The following RGS19 variants were observed in gnomAD, a reference collection of about 807,000 sequenced individuals.
The protein encoded by RGS19 is G alpha interacting protein.
A neutral mutation model predicts 22.0 loss-of-function variants in RGS19; 9 were observed. The ratio of observed to expected loss-of-function variants is 0.41; its 90% confidence interval spans 0.25 to 0.71. The LOEUF (loss-of-function observed/expected upper bound fraction) is 0.71, where lower values mean the gene tolerates loss of function less well. Ranked by LOEUF, RGS19 falls within the 30% of genes least tolerant of loss-of-function variation. The pLI is 0.32. For synonymous variants in RGS19, 130 were observed against 127.3 expected (o/e 1.02, Z -0.14); for missense variants, 256 against 307.1 (o/e 0.83, Z 1.24).
In RGS19 at chr20:64,075,945, G is replaced by A. The variant is rs527393369; in HGVS notation, c.152+580C>T. ...TGCCCAGGCTGGAGTGCAATGACGC[G>A]ATCTCGGCTCAACGCAACCTCCGCC... On this transcript the variant is annotated intron_variant, in intron 3 of 5. Transcript: ENST00000395042. The surrounding 1 kb of genome is among the most constrained non-coding windows in gnomAD (Gnocchi z 4.6). Among the ~76,000 whole-genome samples the A allele has an allele frequency of 1.3e-5, 2 of 151,538 alleles. No individual in the cohort carries two copies. Among genetic ancestry groups the A allele is most frequent in the South Asian group, 2.1e-4 (1 of 4,812 alleles).
In RGS19 at chr20:64,073,946, G is replaced by A. The variant is rs368196173; in HGVS notation, c.561C>T (p.Leu187=). The change falls in exon 6 of 6, where the codon CTC becomes CTT. Residue 187 remains leucine, a synonymous_variant. Coordinates refer to ENST00000395042, the MANE Select transcript of RGS19 (RefSeq NM_005873.3). ...FDDAQLQIYT[L]MHRDSYPRFL... Reference sequence around the variant, plus strand: ...AGCGGGGGTAGGAGTCCCGGTGCATGAGCGTGTAGATCTGCAGCTGCGCGT... The same window carrying A: ...AGCGGGGGTAGGAGTCCCGGTGCATAAGCGTGTAGATCTGCAGCTGCGCGT... The A allele has an allele frequency of 4.8e-5, 78 of 1,613,704 alleles. No homozygotes were observed. Among genetic ancestry groups the A allele is most frequent in the Middle Eastern group, 1.6e-4 (1 of 6,082 alleles).
chr20:64,079,945 G>C (rs1208948542), upstream of RGS19: 4 of 147,852 alleles, frequency 2.7e-5, no homozygotes, highest in African/African-American at 9.8e-5. This position sits in a 1 kb window ranked among gnomAD's most constrained non-coding sequence, Gnocchi z 5.1. Flanking sequence ...AGTCGGGGAG[G>C]GGGCGCGGGG....
intron 2 of RGS19, 71 bp downstream of exon 2, chr20:64,076,786 C>T: frequency 1.9e-6 from 3 of 1,558,186 alleles, no homozygotes; most frequent in South Asian, 2.3e-5. Context: ...TCTCCCAGCT[C>T]CTTGTGGCCC....
chr20:64,074,407 G>A (rs762522040), intron 4 of RGS19, 29 bp from the exon 5 acceptor site: 5 of 1,586,786 alleles, frequency 3.2e-6, no homozygotes, highest in Non-Finnish European at 4.3e-6. Flanking sequence ...GGCTATGTCA[G>A]GCCCGAGTCT....
In RGS19 at chr20:64,073,884, TGCA is replaced by T. The variant is rs781645976; in HGVS notation, c.620_622del (p.Leu207del). The T allele has an allele frequency of 3.1e-6, 5 of 1,613,110 alleles. No homozygotes were observed. In the South Asian group the frequency reaches 5.5e-5, roughly 18 times the overall value. On this transcript the variant is annotated inframe_deletion, in exon 6 of 6. Coordinates refer to ENST00000395042, the MANE Select transcript of RGS19 (RefSeq NM_005873.3). ...CTCGGAGGAGGACTGTGATGGCCCC[TGCA>T]GCAGCAGGGCACGGTAGGTGGGAGA...
chr20:64,077,549 C>G lies in RGS19; in HGVS notation c.-68-595G>C, dbSNP rs116190302. Reference sequence around the variant, plus strand: ...GCCCCGGTGAGGAGGGACATGCCCCCCAAACATGGTTCTTTGGTCCTGCTA... The same window carrying G: ...GCCCCGGTGAGGAGGGACATGCCCCGCAAACATGGTTCTTTGGTCCTGCTA... On this transcript the variant is annotated intron_variant, in intron 1 of 5. Coordinates refer to ENST00000395042, the MANE Select transcript of RGS19 (RefSeq NM_005873.3). 9.6e-3 allele frequency among the ~76,000 whole-genome samples: 1,458 copies of G among 152,288 alleles called. 20 individuals carry two copies. The highest frequency in any genetic ancestry group is 0.033 in the African/African-American group (1,357 of 41,536).
rs1406634833 is a variant in RGS19 at position 64,073,856 on chromosome 20, G to A, written c.651C>T (p.Ala217=). 1.2e-6 allele frequency: 2 copies of A among 1,607,502 alleles called. No individual in the cohort carries two copies. The highest frequency in any genetic ancestry group is 8.5e-7 in the Non-Finnish European group (1 of 1,176,094). The part of the protein sequence containing the change: ...LQGPSQSSSE[A] ...GGTCTGTGCTGCTGGGGGCGGCCTAGGCCTCGGAGGAGGACTGTGATGGCC... is the reference window on the plus strand; with the variant it reads ...GGTCTGTGCTGCTGGGGGCGGCCTAAGCCTCGGAGGAGGACTGTGATGGCC... The change falls in exon 6 of 6, where the codon GCC becomes GCT. Residue 217 remains alanine (A), a synonymous_variant. Transcript: ENST00000395042.
chr20:64,073,712 C>G lies in RGS19; in HGVS notation c.*141G>C. ...GCAGACCCAGGAGACACAGCACTCC[C>G]CACTGGGTCTAGGACCGTCTCCGCG... On this transcript the variant is annotated 3_prime_UTR_variant, in exon 6 of 6. Coordinates refer to ENST00000395042, the MANE Select transcript of RGS19 (RefSeq NM_005873.3). 1.4e-6 allele frequency: 1 copy of G among 714,838 alleles called. No homozygotes were observed. The highest frequency in any genetic ancestry group is 3.1e-5 in the Admixed American group (1 of 32,488). 44.3% of individuals were successfully genotyped at this position (714,838 alleles called of 1,614,324 possible).
At chr20:64,078,445 C>T (rs2059927179) in intron 1 of RGS19, among the ~76,000 whole-genome samples, 1 of 152,208 alleles carries the variant, frequency 6.6e-6, no homozygotes, top group Non-Finnish European at 1.5e-5. Flanking sequence ...TCTGTGGCTT[C>T]CCCAGGCAGC....
rs1320616316 is a variant in RGS19 at position 64,075,338 on chromosome 20, C to T, written c.153-797G>A. ...CCTTCAGGTTCTGGAGCCTGATCCC[C>T]GGTTGTCTCAAGGGAAGCAGCTTCT... is the stretch of plus-strand genomic sequence containing the variant. On this transcript the variant is annotated intron_variant, in intron 3 of 5. Transcript: ENST00000395042. This position sits in a 1 kb window ranked among gnomAD's most constrained non-coding sequence, Gnocchi z 4.6. Among the ~76,000 whole-genome samples the T allele has an allele frequency of 3.3e-5, 5 of 152,336 alleles. No individual in the cohort carries two copies. Among genetic ancestry groups the T allele is most frequent in the Admixed American group, 6.5e-5 (1 of 15,306 alleles).
Position 64,074,018 on chromosome 20 carries a change from C to T in RGS19, c.489G>A (p.Glu163=). Residue 163 remains glutamate, a synonymous_variant, in exon 6 of 6, where the codon GAG becomes GAA. Coordinates refer to ENST00000395042, the MANE Select transcript of RGS19 (RefSeq NM_005873.3). ...GCTCCTGCATCTTCTTGTTGATGCCCTCCCGCACACGGGAGTCCAGGCTCA... is the reference window on the plus strand; with the variant it reads ...GCTCCTGCATCTTCTTGTTGATGCCTTCCCGCACACGGGAGTCCAGGCTCA... ...KEVSLDSRVR[E]GINKKMQEPS... is the part of the protein sequence containing the mutation. 1 of 1,613,236 alleles carries T rather than the reference C, an allele frequency of 6.2e-7. No homozygotes were observed. The highest frequency in any genetic ancestry group is 8.5e-7 in the Non-Finnish European group (1 of 1,179,568).
chr20:64,073,729 G>A lies in RGS19; in HGVS notation c.*124C>T, dbSNP rs749730509. On this transcript the variant is annotated 3_prime_UTR_variant, in exon 6 of 6. Transcript: ENST00000395042. ...AGCACTCCCCACTGGGTCTAGGACC[G>A]TCTCCGCGGGTGGGGACCCCAGCCG... The A allele has an allele frequency of 8.4e-6, 7 of 830,096 alleles. No homozygotes were observed. Among genetic ancestry groups the A allele is most frequent in the Admixed American group, 2.7e-5 (1 of 36,382 alleles). The allele number at this position is 830,096 out of a possible 1,614,324, so 51.4% of individuals were successfully genotyped here. A position where few individuals can be genotyped will look rare whatever the true frequency, so the allele number is the denominator to read the frequency against.
At position 64,074,156 on chromosome 20, in the gene RGS19, C is replaced by T. The variant is rs1022512653; in HGVS notation, c.450G>A (p.Leu150=). ...RLIYEDYVSI[L]SPKEVSLDSR... ...GTGTCTGGCGCACCTCCTTGGGGGA[C>T]AGGATGGATACGTAGTCCTCGTAGA... The change falls in exon 5 of 6, where the codon CTG becomes CTA. Residue 150 remains leucine (L), a synonymous_variant. Transcript: ENST00000395042. The T allele has an allele frequency of 6.2e-6, 10 of 1,613,168 alleles. No homozygotes were observed. Among genetic ancestry groups the T allele is most frequent in the Non-Finnish European group, 8.5e-6 (10 of 1,179,438 alleles).
At chr20:64,076,758 C>G (rs2059908885) in intron 2 of RGS19, 99 bp downstream of exon 2, 7 of 1,530,062 alleles carry the variant, frequency 4.6e-6, no homozygotes, top group Non-Finnish European at 6.2e-6. Context: ...CCCTTCTGGC[C>G]TCCCGGGTGT....
Position 64,074,047 on chromosome 20 carries a change from G to A in RGS19, c.463-3C>T, listed in dbSNP as rs757118563. On this transcript the variant is annotated splice_polypyrimidine_tract_variant and splice_region_variant and intron_variant, in intron 5 of 5. Coordinates refer to ENST00000395042, the MANE Select transcript of RGS19 (RefSeq NM_005873.3). ...CGCACACGGGAGTCCAGGCTCACCT[G>A]CAGGACAAGACACTGAGGTCAGGGG... 6.2e-7 allele frequency: 1 copy of A among 1,610,634 alleles called. No homozygotes were observed. Among genetic ancestry groups the A allele is most frequent in the Non-Finnish European group, 8.5e-7 (1 of 1,177,694 alleles).
chr20:64,076,432 T>A (rs2059905711), intron 3 of RGS19, 93 bp downstream of exon 3: 1 of 1,562,700 alleles, frequency 6.4e-7, no homozygotes, highest in Non-Finnish European at 8.6e-7. Context: ...CCTGCGGGGA[T>A]GCCTCGGAAG....
chr20:64,077,770 G>C (rs1024839977), intron 1 of RGS19, among the ~76,000 whole-genome samples: 2 of 152,310 alleles, frequency 1.3e-5, no homozygotes, highest in African/African-American at 4.8e-5. Context: ...CCCAGCATTT[G>C]GTTGCACCGT....
rs549034093 is a variant in RGS19 at position 64,073,873 on chromosome 20, G to C, written c.634C>G (p.Gln212Glu). ...GCGGCCTAGGCCTCGGAGGAGGACTGTGATGGCCCCTGCAGCAGCAGGGCA... is the reference window on the plus strand; with the variant it reads ...GCGGCCTAGGCCTCGGAGGAGGACTCTGATGGCCCCTGCAGCAGCAGGGCA... The part of the protein sequence containing the change: ...YRALLLQGPS[Q>E]SSSEA The change falls in exon 6 of 6, where the codon CAG becomes GAG. Residue 212 changes from glutamine (Q) to glutamate (E), a missense_variant. Physicochemically the swap from Gln to Glu is conservative, Grantham distance 29. Coordinates refer to ENST00000395042, the MANE Select transcript of RGS19 (RefSeq NM_005873.3). 4.4e-5 allele frequency: 71 copies of C among 1,612,744 alleles called. No individual in the cohort carries two copies. The South Asian group carries it at 6.8e-4, about 15-fold the overall frequency.
rs891476592 is a variant in RGS19 at position 64,075,587 on chromosome 20, A to G, written c.152+938T>C. Among the ~76,000 whole-genome samples the G allele has an allele frequency of 6.6e-6, 1 of 150,884 alleles. No individual in the cohort carries two copies. The highest frequency in any genetic ancestry group is 2.4e-5 in the African/African-American group (1 of 40,856). On this transcript the variant is annotated intron_variant, in intron 3 of 5. Transcript: ENST00000395042. This position sits in a 1 kb window ranked among gnomAD's most constrained non-coding sequence, Gnocchi z 4.6. ...TTGGATCCAGAAGCGCTGTCCTCTC[A>G]TCAGCCAGGGCCTGAAGCCTGAATA...
Sources: allele counts gnomAD v4.1 joint callset (sites outside exome capture counted in the v4.1 genomes callset), GRCh38; gene constraint gnomAD v4.1.1; non-coding constraint Gnocchi (gnomAD v3.1); transcripts MANE v1.5; gene names NCBI Gene and HGNC (gene_info 2026-07-23, HGNC 2026-07-21).